The following SLC37A1 variants were observed in gnomAD, a reference collection of about 807,000 sequenced individuals.
SLC37A1 encodes glucose-6-phosphate exchanger SLC37A1.
Under a neutral mutation model 75.3 loss-of-function variants are expected in SLC37A1, and 49 were observed. That is an observed-to-expected ratio of 0.65 (90% CI 0.52 to 0.83). The LOEUF (loss-of-function observed/expected upper bound fraction) is 0.83, where lower values mean the gene tolerates loss of function less well. Among genes scored for constraint, SLC37A1 ranks in the 40% least tolerant of loss-of-function variants. The pLI is 0.00. For synonymous variants in SLC37A1, 268 were observed against 292.1 expected (o/e 0.92, Z 0.84); for missense variants, 566 against 695.0 (o/e 0.81, Z 2.09).
At chr21:42,551,955 C>T (rs1341998837) in intron 9 of SLC37A1, among the ~76,000 whole-genome samples, 2 of 152,164 alleles carry the variant, frequency 1.3e-5, no homozygotes, top group Non-Finnish European at 2.9e-5. Flanking sequence ...GTGTGTTTCA[C>T]GTGTTCCTCT....
At position 42,567,456 on chromosome 21, in the gene SLC37A1, C is replaced by T. The variant is rs117465084; in HGVS notation, c.1344+398C>T. On this transcript the variant is annotated intron_variant, in intron 16 of 19. Coordinates refer to ENST00000352133, the MANE Select transcript of SLC37A1 (RefSeq NM_001320537.2). ...CTGCCTTGGTCACCTTTGTATTGGA[C>T]GTGTCCTGAAACTGCCTGAGTGTGC... Among the ~76,000 whole-genome samples the T allele has an allele frequency of 1.4e-4, 22 of 152,282 alleles. No individual in the cohort carries two copies. The East Asian group carries it at 3.5e-3, about 24-fold the overall frequency.
In SLC37A1 at chr21:42,562,121, T is replaced by G; in HGVS notation, c.1025T>G (p.Val342Gly). ...CTGTGTCTGCTGTTTGCCAAGCTGG[T>G]CAGCTATACTTTCCTCTTCTGGCTG... is the stretch of plus-strand genomic sequence containing the variant. ...FSLCLLFAKLVSYTFLFWLPL... is the reference protein window; with the variant it reads ...FSLCLLFAKLGSYTFLFWLPL... Residue 342 changes from valine (V) to glycine (G), a missense_variant, in exon 12 of 20, where the codon GTC (valine) becomes GGC (glycine). Physicochemically the swap from Val to Gly is moderately radical, Grantham distance 109. Coordinates refer to ENST00000352133, the MANE Select transcript of SLC37A1 (RefSeq NM_001320537.2). 2 of 1,614,198 alleles carry G rather than the reference T, an allele frequency of 1.2e-6. No individual in the cohort carries two copies. Among genetic ancestry groups the G allele is most frequent in the Non-Finnish European group, 1.7e-6 (2 of 1,180,030 alleles).
rs1398741807 is a variant in SLC37A1, at chr21:42,519,058, G to T, written c.56+548G>T. Among the ~76,000 whole-genome samples the T allele has an allele frequency of 2.0e-5, 3 of 152,162 alleles. No individual in the cohort carries two copies. The East Asian group carries it at 5.8e-4, about 29-fold the overall frequency. Reference sequence around the variant, plus strand: ...TGACAAGCCCAGAGTCTGAAGCTGGGCTCCCTGGCCTCTAACTTGTCCTGC... The same window carrying T: ...TGACAAGCCCAGAGTCTGAAGCTGGTCTCCCTGGCCTCTAACTTGTCCTGC... On this transcript the variant is annotated intron_variant, in intron 2 of 19. Transcript: ENST00000352133.
intron 3 of SLC37A1, among the ~76,000 whole-genome samples, chr21:42,530,645 CACACACACA>C (rs2054934526): frequency 4.2e-4 from 13 of 31,260 alleles, no homozygotes; most frequent in Middle Eastern, 0.01. Context: ...CACACACACA[CACACACACA>C]CCCCCTCTGT....
In SLC37A1 at chr21:42,528,433, C is replaced by T. The variant is rs1041041805; in HGVS notation, c.138+2576C>T. The stretch of plus-strand genomic sequence containing the variant: ...AAGAAACCTGAAAGCAGAGGCTTCC[C>T]GGAGAAGCTTAAACTGCAGGGGTCC... On this transcript the variant is annotated intron_variant, in intron 3 of 19. Coordinates refer to ENST00000352133, the MANE Select transcript of SLC37A1 (RefSeq NM_001320537.2). 6.6e-5 allele frequency among the ~76,000 whole-genome samples: 10 copies of T among 152,278 alleles called. No homozygotes were observed. In the East Asian group the frequency reaches 9.7e-4, roughly 15 times the overall value.
chr21:42,564,913 T>C, intron 14 of SLC37A1, 120 bp downstream of exon 14: 1 of 863,952 alleles, frequency 1.2e-6, no homozygotes, highest in Admixed American at 2.3e-5. Context: ...CCCGCTTCAT[T>C]CCCTCTCATG....
chr21:42,521,465 C>T (rs751618391), intron 2 of SLC37A1, among the ~76,000 whole-genome samples: 134 of 152,354 alleles, frequency 8.8e-4, no homozygotes, highest in Non-Finnish European at 1.7e-3. Flanking sequence ...CTCAGTAATT[C>T]TCAAAAGTGT....
Position 42,568,366 on chromosome 21 carries a change from CAT to C in SLC37A1, c.1353_1354del (p.His451GlnfsTer18). The C allele has an allele frequency of 6.2e-7, 1 of 1,613,980 alleles. No individual in the cohort carries two copies. Among genetic ancestry groups the C allele is most frequent in the Non-Finnish European group, 8.5e-7 (1 of 1,179,926 alleles). The stretch of plus-strand genomic sequence containing the variant: ...TGTTTTTCCTCTCTTCTAGGGGACT[CAT>C]AAAAGTCTGAAAGGCAACGCGCACG... ...TTAVSADLGTHKSLKGNAHAL... is the reference protein window; with the variant it reads ...TTAVSADLGTXKSLKGNAHAL... On this transcript the variant is annotated frameshift_variant, in exon 17 of 20. Coordinates refer to ENST00000352133, the MANE Select transcript of SLC37A1 (RefSeq NM_001320537.2). LOFTEE classifies it high-confidence loss of function.
At chr21:42,550,980 A>T (rs913938090) in intron 9 of SLC37A1, among the ~76,000 whole-genome samples, 1 of 152,248 alleles carries the variant, frequency 6.6e-6, no homozygotes, top group East Asian at 1.9e-4. Flanking sequence ...TAATGGTGAA[A>T]GACCAGGTGC....
At chr21:42,525,524 G>A (rs539496783) in intron 2 of SLC37A1, among the ~76,000 whole-genome samples, 2 of 152,368 alleles carry the variant, frequency 1.3e-5, no homozygotes, top group East Asian at 3.9e-4. Flanking sequence ...TATGTTGTGT[G>A]TTGTGCATGA....
In SLC37A1 at chr21:42,552,970, T is replaced by C. The variant is rs918400447; in HGVS notation, c.769-1092T>C. Among the ~76,000 whole-genome samples the C allele has an allele frequency of 3.2e-4, 49 of 152,336 alleles. No individual in the cohort carries two copies. Among genetic ancestry groups the C allele is most frequent in the African/African-American group, 1.2e-3 (49 of 41,572 alleles). On this transcript the variant is annotated intron_variant, in intron 9 of 19. Coordinates refer to ENST00000352133, the MANE Select transcript of SLC37A1 (RefSeq NM_001320537.2). The surrounding 1 kb of genome is among the most constrained non-coding windows in gnomAD (Gnocchi z 4.2). ...GCCCTCCCTCTGAGCACAAAACAAA[T>C]GTATTTTTAAAGGTGTTTTGTTACA...
At position 42,503,375 on chromosome 21, in the gene SLC37A1, G is replaced by A. The variant is rs918536909; in HGVS notation, c.-179+958G>A. Among the ~76,000 whole-genome samples the A allele has an allele frequency of 2.7e-5, 4 of 149,176 alleles. No homozygotes were observed. The East Asian group carries it at 5.9e-4, about 22-fold the overall frequency. Reference sequence around the variant, plus strand: ...CGTGATCCTCCTGCCTCAGCCTCCCGAGTACCTGGGAATACAGGTGCCTAC... The same window carrying A: ...CGTGATCCTCCTGCCTCAGCCTCCCAAGTACCTGGGAATACAGGTGCCTAC... On this transcript the variant is annotated intron_variant, in intron 2 of 20. Transcript: ENST00000398341.
chr21:42,559,336 G>GAA (rs2055768387), intron 11 of SLC37A1, among the ~76,000 whole-genome samples: 1 of 151,842 alleles, frequency 6.6e-6, no homozygotes, highest in African/African-American at 2.4e-5. Flanking sequence ...TAGAAATTCA[G>GAA]GTTCATAGAA....
intron 2 of SLC37A1, among the ~76,000 whole-genome samples, chr21:42,505,170 T>C (rs1271753646): frequency 6.6e-6 from 1 of 152,188 alleles, no homozygotes. Flanking sequence ...CAGTTTAAAA[T>C]CTTTCAGTAG....
rs965134446 is a variant in SLC37A1 at position 42,567,852 on chromosome 21, A to G, written c.1345-508A>G. Among the ~76,000 whole-genome samples the G allele has an allele frequency of 5.3e-5, 8 of 152,180 alleles. No individual in the cohort carries two copies. In the South Asian group the frequency reaches 1.7e-3, roughly 32 times the overall value. ...CGGCTGCTCACCGAGGACCTGCGCC[A>G]GCCTTGGTTTCTCAGCTCTCCCCTC... On this transcript the variant is annotated intron_variant, in intron 16 of 19. Coordinates refer to ENST00000352133, the MANE Select transcript of SLC37A1 (RefSeq NM_001320537.2).
At chr21:42,530,358 G>A (rs2054916898) in intron 3 of SLC37A1, among the ~76,000 whole-genome samples, 1 of 152,306 alleles carries the variant, frequency 6.6e-6, no homozygotes, top group African/African-American at 2.4e-5. Context: ...CGTGGCACCT[G>A]TGACTCATCG....
At chr21:42,568,314 C>T (rs2147017204) in intron 16 of SLC37A1, 46 bp from the exon 17 acceptor site, 1 of 1,503,482 alleles carries the variant, frequency 6.7e-7, no homozygotes, top group Non-Finnish European at 9.2e-7. Flanking sequence ...AGGTTTACTT[C>T]TCATGCTGTG....
At chr21:42,579,025 G>A (rs1031527113) in intron 18 of SLC37A1, among the ~76,000 whole-genome samples, 3 of 152,184 alleles carry the variant, frequency 2.0e-5, no homozygotes, top group Non-Finnish European at 2.9e-5. Flanking sequence ...TCCCACTTGG[G>A]GAGAGACTGG....
upstream of SLC37A1, chr21:42,513,809 G>A (rs1434107897): frequency 6.8e-6 from 1 of 146,476 alleles, no homozygotes; most frequent in Non-Finnish European, 1.5e-5. Context: ...CCGCGGGCCA[G>A]GGAAAGTGAA....
Sources: gnomAD v4.1 joint callset for allele counts (sites outside exome capture counted in the v4.1 genomes callset) on GRCh38, gnomAD v4.1.1 for gene constraint, Gnocchi (gnomAD v3.1) non-coding constraint, MANE v1.5 for transcripts, NCBI Gene and HGNC (gene_info 2026-07-23, HGNC 2026-07-21) for gene names.